ALPK2: variants seen among roughly 807,000 people sequenced by gnomAD.
The protein encoded by ALPK2 is alpha-protein kinase 2.
A neutral mutation model predicts 163.1 loss-of-function variants in ALPK2; 127 were observed. The ratio of observed to expected loss-of-function variants is 0.78; its 90% CI spans 0.67 to 0.90. ALPK2 has a LOEUF of 0.90. ALPK2 is among the 40% of genes least tolerant of loss of function. The probability of loss-of-function intolerance (pLI) is 0.00; values close to 1 mark genes in which losing one functional copy is unlikely to be tolerated. For missense variants in ALPK2, 2,360 were observed against 2,589.6 expected (o/e 0.91, Z 1.92); for synonymous variants, 953 against 959.1 (o/e 0.99, Z 0.12).
intron 3 of ALPK2, among the ~76,000 whole-genome samples, chr18:58,590,766 A>C (rs912025421): frequency 3.9e-5 from 6 of 152,238 alleles, no homozygotes; most frequent in Non-Finnish European, 8.8e-5. Context: ...GAGATTCCTC[A>C]TACATTTACC....
At chr18:58,571,635 C>T (rs1400533705) in intron 4 of ALPK2, among the ~76,000 whole-genome samples, 1 of 151,914 alleles carries the variant, frequency 6.6e-6, no homozygotes, top group Non-Finnish European at 1.5e-5. Context: ...AAAAACTGAC[C>T]ATTAGACCTC....
At chr18:58,589,347 C>T (rs1459405522) in intron 3 of ALPK2, among the ~76,000 whole-genome samples, 2 of 152,264 alleles carry the variant, frequency 1.3e-5, no homozygotes, top group East Asian at 3.9e-4. Flanking sequence ...AGGCCGGTTC[C>T]ATCAATTCTG....
intron 3 of ALPK2, among the ~76,000 whole-genome samples, chr18:58,602,430 G>A (rs371773441): frequency 1.3e-5 from 2 of 152,168 alleles, no homozygotes; most frequent in East Asian, 1.9e-4. Context: ...GTCAAGCCAT[G>A]GTCCCTCAAA....
At chr18:58,567,498 C>A (rs992251853) in intron 4 of ALPK2, among the ~76,000 whole-genome samples, 34 of 152,148 alleles carry the variant, frequency 2.2e-4, no homozygotes, top group African/African-American at 8.2e-4. Flanking sequence ...CAGGCCCTCA[C>A]TTTAAGACAC....
rs1602178147 is a variant in ALPK2, at chr18:58,481,560, A to G, written c.*263T>C. 6 of 482,078 alleles carry G rather than the reference A, an allele frequency of 1.2e-5. No homozygotes were observed. In the East Asian group the frequency reaches 2.3e-4, roughly 19 times the overall value. The allele number at this position is 482,078 out of a possible 1,614,324, so 29.9% of individuals were successfully genotyped here. A position where few individuals can be genotyped will look rare whatever the true frequency, so the allele number is the denominator to read the frequency against. On this transcript the variant is annotated 3_prime_UTR_variant, in exon 13 of 13. Coordinates refer to ENST00000361673, the MANE Select transcript of ALPK2 (RefSeq NM_052947.4). ...ATGATGTGAGGTTGGTAAAAATGCTAAACATGTATATAAAGAATGGACTGT... is the reference window on the plus strand; with the variant it reads ...ATGATGTGAGGTTGGTAAAAATGCTGAACATGTATATAAAGAATGGACTGT...
chr18:58,489,479 A>C (rs2051360519), intron 12 of ALPK2, among the ~76,000 whole-genome samples: 1 of 152,012 alleles, frequency 6.6e-6, no homozygotes, highest in Non-Finnish European at 1.5e-5. Context: ...TGAACCCAGC[A>C]GTTTGAGACT....
rs558874578 is a variant in ALPK2, at chr18:58,529,888, G to A, written c.5354-650C>T. On this transcript the variant is annotated intron_variant, in intron 5 of 12. Coordinates refer to ENST00000361673, the MANE Select transcript of ALPK2 (RefSeq NM_052947.4). ...ATCACCTCAGTATCAATATCAGTGA[G>A]GAACAATTAGCATGCTAATGTGTAA... Among the ~76,000 whole-genome samples the A allele has an allele frequency of 2.0e-4, 30 of 152,310 alleles. No individual in the cohort carries two copies. In the South Asian group the frequency reaches 6.2e-3, roughly 32 times the overall value.
chr18:58,546,343 G>C (rs1234041327), intron 4 of ALPK2, among the ~76,000 whole-genome samples: 1 of 152,146 alleles, frequency 6.6e-6, no homozygotes, highest in Admixed American at 6.5e-5. Flanking sequence ...TGCTGGGAGA[G>C]GCCTGGGTTT....
At chr18:58,554,579 C>G (rs73447217) in intron 4 of ALPK2, among the ~76,000 whole-genome samples, 10,222 of 152,292 alleles carry the variant, frequency 0.067, 1,148 homozygotes, top group African/African-American at 0.23. Flanking sequence ...TCCCCAGCCT[C>G]TAATTCTCTT....
In ALPK2 at chr18:58,565,765, TCC is replaced by T. The variant is rs1491053894; in HGVS notation, c.1962+13047_1962+13048del. Among the ~76,000 whole-genome samples, 31 of 146,646 alleles carry T rather than the reference TCC, an allele frequency of 2.1e-4. 1 individual carries two copies. The highest frequency in any genetic ancestry group is 1.4e-3 in the Admixed American group (20 of 14,692). ...TTCCTTCCTTCCTTCCTTCCTTCCT[TCC>T]TTCCTTTCTTTCTTTCTTTCTTCCT... On this transcript the variant is annotated intron_variant, in intron 4 of 12. Coordinates refer to ENST00000361673, the MANE Select transcript of ALPK2 (RefSeq NM_052947.4).
In ALPK2 at chr18:58,586,650, C is replaced by A. The variant is rs534499096; in HGVS notation, c.228-6102G>T. Among the ~76,000 whole-genome samples the A allele has an allele frequency of 7.7e-4, 117 of 152,122 alleles. 2 individuals are homozygous for A. The highest frequency in any genetic ancestry group is 2.7e-3 in the African/African-American group (110 of 41,486). On this transcript the variant is annotated intron_variant, in intron 3 of 12. Coordinates refer to ENST00000361673, the MANE Select transcript of ALPK2 (RefSeq NM_052947.4). The stretch of plus-strand genomic sequence containing the variant: ...TACCCAGAGAGTTGTCATTATTTGA[C>A]CTGCCTAGTAATTCCCTGGAAGACC...
At chr18:58,558,072 T>A (rs1469945149) in intron 4 of ALPK2, among the ~76,000 whole-genome samples, 1 of 152,238 alleles carries the variant, frequency 6.6e-6, no homozygotes, top group Non-Finnish European at 1.5e-5. Context: ...AAGGAGGAAC[T>A]GAATTTTTAA....
chr18:58,603,535 C>T (rs1274353457), intron 3 of ALPK2, among the ~76,000 whole-genome samples: 2 of 152,208 alleles, frequency 1.3e-5, no homozygotes, highest in African/African-American at 2.4e-5. Context: ...GCTTCCTCCG[C>T]CCCCTTCCCC....
intron 4 of ALPK2, chr18:58,538,466 T>C: frequency 2.2e-6 from 1 of 462,252 alleles, no homozygotes; most frequent in Non-Finnish European, 3.8e-6. Context: ...GCAAAAAGCC[T>C]CCTGACAACC....
chr18:58,481,726 C>A lies in ALPK2; in HGVS notation c.*97G>T. 1 of 996,830 alleles carries A rather than the reference C, an allele frequency of 1.0e-6. No individual in the cohort carries two copies. Among genetic ancestry groups the A allele is most frequent in the Non-Finnish European group, 1.5e-6 (1 of 647,814 alleles). The allele number at this position is 996,830 out of a possible 1,614,324, so 61.7% of individuals were successfully genotyped here. A position where few individuals can be genotyped will look rare whatever the true frequency, so the allele number is the denominator to read the frequency against. ...GGCTGGGAGTAAGGATTGCCACGCACTCTCTGCAGGCTGTATATTCTCTCC... is the reference window on the plus strand; with the variant it reads ...GGCTGGGAGTAAGGATTGCCACGCAATCTCTGCAGGCTGTATATTCTCTCC... On this transcript the variant is annotated 3_prime_UTR_variant, in exon 13 of 13. Coordinates refer to ENST00000361673, the MANE Select transcript of ALPK2 (RefSeq NM_052947.4).
At chr18:58,595,207 G>A (rs562956188) in intron 3 of ALPK2, among the ~76,000 whole-genome samples, 3 of 152,230 alleles carry the variant, frequency 2.0e-5, no homozygotes, top group Admixed American at 6.5e-5. Flanking sequence ...ACCGTCATGC[G>A]CCTTCCCTCC....
In ALPK2 at chr18:58,578,885, T is replaced by G; in HGVS notation, c.1891A>C (p.Lys631Gln). 6.2e-7 allele frequency: 1 copy of G among 1,614,246 alleles called. No homozygotes were observed. The highest frequency in any genetic ancestry group is 8.5e-7 in the Non-Finnish European group (1 of 1,180,036). The change falls in exon 4 of 13, where the codon AAG becomes CAG. Residue 631 changes from lysine to glutamine, a missense_variant. By Grantham distance (53) the Lys-to-Gln change is moderately conservative. Coordinates refer to ENST00000361673, the MANE Select transcript of ALPK2 (RefSeq NM_052947.4). ...GTATTAACTTGCATGCCTTCTCCCT[T>G]GCAATTTGTGTTGCCTTCTTTGGAG... ...SVSKEGNTNC[K>Q]GEGMQVNTLF...
At chr18:58,523,160 G>A (rs1488963400) in intron 8 of ALPK2, among the ~76,000 whole-genome samples, 8 of 144,590 alleles carry the variant, frequency 5.5e-5, no homozygotes, top group Non-Finnish European at 9.0e-5. Flanking sequence ...GAGAACATGC[G>A]GTGTTTGGTT....
intron 3 of ALPK2, among the ~76,000 whole-genome samples, chr18:58,585,765 C>T (rs1432891846): frequency 6.6e-6 from 1 of 151,290 alleles, no homozygotes; most frequent in African/African-American, 2.4e-5. Context: ...CTCACTGCAA[C>T]CTCCACCTCC....
Sources: gnomAD v4.1 joint callset for allele counts (sites outside exome capture counted in the v4.1 genomes callset) on GRCh38, gnomAD v4.1.1 for gene constraint, MANE v1.5 for transcripts, NCBI Gene and HGNC (gene_info 2026-07-23, HGNC 2026-07-21) for gene names.